The following GBE1 variants were observed in gnomAD, a reference collection of about 807,000 sequenced individuals.
GBE1 encodes 1,4-alpha-glucan branching enzyme 1.
Under a neutral mutation model 88.8 loss-of-function variants are expected in GBE1, and 70 were observed. That is an observed-to-expected ratio of 0.79 (90% CI 0.65 to 0.96). The LOEUF (loss-of-function observed/expected upper bound fraction) is 0.96. GBE1 is among the 40% of genes least tolerant of loss of function. GBE1 has a pLI of 0.00. For synonymous variants in GBE1, 284 were observed against 300.1 expected (o/e 0.95, Z 0.56); for missense variants, 872 against 871.0 (o/e 1.00, Z -0.01).
chr3:81,589,845 A>C (rs1703853700), intron 9 of GBE1, among the ~76,000 whole-genome samples: 1 of 152,032 alleles, frequency 6.6e-6, no homozygotes, highest in Admixed American at 6.6e-5. Flanking sequence ...ACATAAGGCA[A>C]AAGTTTAAAA....
At chr3:81,639,300 A>T (rs1302004750) in intron 7 of GBE1, among the ~76,000 whole-genome samples, 3 of 151,808 alleles carry the variant, frequency 2.0e-5, no homozygotes, top group African/African-American at 7.3e-5. Flanking sequence ...GCCTTTTTAA[A>T]TTTTCTAATT....
At chr3:81,681,375 T>C (rs1705338903) in intron 2 of GBE1, among the ~76,000 whole-genome samples, 1 of 152,142 alleles carries the variant, frequency 6.6e-6, no homozygotes, top group Non-Finnish European at 1.5e-5. Context: ...ACTTAACTGA[T>C]TCATCACTTC....
At chr3:81,545,710 C>T (rs1050123922) in intron 12 of GBE1, among the ~76,000 whole-genome samples, 10 of 152,120 alleles carry the variant, frequency 6.6e-5, no homozygotes, top group Admixed American at 5.9e-4. Context: ...GTTTCAGTTA[C>T]CCATGGTCAA....
chr3:81,647,156 C>T (rs1393926930), intron 5 of GBE1, among the ~76,000 whole-genome samples: 2 of 152,036 alleles, frequency 1.3e-5, no homozygotes, highest in African/African-American at 2.4e-5. Flanking sequence ...TGGGGTTTCA[C>T]CATGCTGGCC....
chr3:81,492,759 C>G (rs1287413415), intron 15 of GBE1, among the ~76,000 whole-genome samples: 3 of 137,674 alleles, frequency 2.2e-5, no homozygotes, highest in Admixed American at 1.5e-4. Context: ...TTTTTTTTTA[C>G]ATGGAGTCTT....
chr3:81,528,989 G>A (rs926762679), intron 14 of GBE1, among the ~76,000 whole-genome samples: 1 of 151,926 alleles, frequency 6.6e-6, no homozygotes. Flanking sequence ...TTCTGATAAG[G>A]ACTTATTGCT....
chr3:81,605,020 C>G (rs1056637234), intron 7 of GBE1, among the ~76,000 whole-genome samples: 1 of 151,930 alleles, frequency 6.6e-6, no homozygotes, highest in East Asian at 1.9e-4. Context: ...AAAAATATGG[C>G]CAGCCTCTAG....
At position 81,761,586 on chromosome 3, in the gene GBE1, A is replaced by G; in HGVS notation, c.-69T>C. ...GGGCCTGAGCGGGCGCTGGAGCTCTAGCTGGGACGCGGCGGCTAGGGCGGA... is the reference window on the plus strand; with the variant it reads ...GGGCCTGAGCGGGCGCTGGAGCTCTGGCTGGGACGCGGCGGCTAGGGCGGA... On this transcript the variant is annotated 5_prime_UTR_variant, in exon 1 of 16. Transcript: ENST00000429644. The G allele has an allele frequency of 6.6e-7, 1 of 1,523,424 alleles. No homozygotes were observed. The allele number at this position is 1,523,424 out of a possible 1,614,324, so 94.4% of individuals were successfully genotyped here.
chr3:81,510,904 T>C (rs1702718367), intron 14 of GBE1, among the ~76,000 whole-genome samples: 1 of 151,628 alleles, frequency 6.6e-6, no homozygotes, highest in Non-Finnish European at 1.5e-5. Context: ...ACCGTAAGCA[T>C]TCTCACACAC....
chr3:81,632,034 G>A (rs1031044559), intron 7 of GBE1, among the ~76,000 whole-genome samples: 3 of 151,960 alleles, frequency 2.0e-5, no homozygotes, highest in Admixed American at 6.6e-5. Flanking sequence ...GTTTGACTCC[G>A]ATTTATCAGT....
In GBE1 at chr3:81,721,551, C is replaced by A. The variant is rs143662443; in HGVS notation, c.144-15938G>T. Among the ~76,000 whole-genome samples, 78 of 152,290 alleles carry A rather than the reference C, an allele frequency of 5.1e-4. No individual in the cohort carries two copies. The East Asian group carries it at 0.015, about 29-fold the overall frequency. On this transcript the variant is annotated intron_variant, in intron 1 of 15. Transcript: ENST00000429644. ...ACTTATGGGTCAACCTTTCCCAAGACTGAGTTCACGGAGAGCTTTGACCAA... is the reference window on the plus strand; with the variant it reads ...ACTTATGGGTCAACCTTTCCCAAGAATGAGTTCACGGAGAGCTTTGACCAA...
intron 2 of GBE1, among the ~76,000 whole-genome samples, chr3:81,696,548 A>C (rs1705598567): frequency 6.6e-6 from 1 of 152,210 alleles, no homozygotes; most frequent in Non-Finnish European, 1.5e-5. Flanking sequence ...AAAACAGAAC[A>C]TCACTTCTCT....
chr3:81,721,243 G>GAAA (rs1411695091), intron 1 of GBE1, among the ~76,000 whole-genome samples: 7 of 58,080 alleles, frequency 1.2e-4, no homozygotes, highest in African/African-American at 5.5e-4. Flanking sequence ...AAAAACACAT[G>GAAA]AAAAAAAAAA....
intron 3 of GBE1, among the ~76,000 whole-genome samples, chr3:81,653,483 C>T (rs768089508): frequency 5.3e-5 from 8 of 150,950 alleles, no homozygotes; most frequent in Non-Finnish European, 1.2e-4. Flanking sequence ...AAGACCCTGT[C>T]TACAAAAAAA....
intron 1 of GBE1, among the ~76,000 whole-genome samples, chr3:81,754,422 G>A (rs868808861): frequency 2.0e-5 from 3 of 150,434 alleles, no homozygotes; most frequent in South Asian, 2.1e-4. Flanking sequence ...CTATCAAAAC[G>A]CTGATTATCA....
At chr3:81,496,855 G>A (rs1412770453) in intron 15 of GBE1, among the ~76,000 whole-genome samples, 1 of 152,102 alleles carries the variant, frequency 6.6e-6, no homozygotes, top group Non-Finnish European at 1.5e-5. Context: ...GAGCCTAAAG[G>A]TGTATTTAAA....
Position 81,761,642 on chromosome 3 carries a change from G to T in GBE1, c.-125C>A. On this transcript the variant is annotated 5_prime_UTR_variant, in exon 1 of 16. Transcript: ENST00000429644. ...AGGGCGCCTAGGCGTGTCGAGGCAA[G>T]CCGAGGCGAGCCGCGGCGGTCCGGG... 2 of 1,192,056 alleles carry T rather than the reference G, an allele frequency of 1.7e-6. No individual in the cohort carries two copies. The highest frequency in any genetic ancestry group is 2.3e-6 in the Non-Finnish European group (2 of 872,578). 73.8% of individuals were successfully genotyped at this position (1,192,056 alleles called of 1,614,324 possible).
At chr3:81,612,285 T>C (rs570187094) in intron 7 of GBE1, 2 of 743,238 alleles carry the variant, frequency 2.7e-6, no homozygotes, top group Non-Finnish European at 4.1e-6. Flanking sequence ...CTCTTCCTGC[T>C]GGCTTTATTC....
chr3:81,555,597 CT>C (rs1272440036), intron 12 of GBE1, among the ~76,000 whole-genome samples: 1 of 152,176 alleles, frequency 6.6e-6, no homozygotes, highest in Admixed American at 6.6e-5. Context: ...TCTTTGCTAT[CT>C]TTTGTACTTC....
Sources: gnomAD v4.1 joint callset for allele counts (sites outside exome capture counted in the v4.1 genomes callset) on GRCh38, gnomAD v4.1.1 for gene constraint, MANE v1.5 for transcripts, NCBI Gene and HGNC (gene_info 2026-07-23, HGNC 2026-07-21) for gene names.